The following SOS1 variants were observed in gnomAD, a reference collection of about 807,000 sequenced individuals.
SOS1 encodes the protein son of sevenless homolog 1.
In SOS1, 25 loss-of-function variants were observed where a neutral mutation model predicts 157.6. That is an observed-to-expected ratio of 0.16 (90% confidence interval 0.12 to 0.22). The LOEUF is 0.22. Ranked by LOEUF, SOS1 falls within the 10% of genes least tolerant of loss-of-function variation. The pLI, the probability that SOS1 is intolerant of heterozygous loss-of-function variation, is 1.00. For missense variants in SOS1, 1,237 were observed against 1,599.1 expected (o/e 0.77, Z 3.86); for synonymous variants, 528 against 534.0 (o/e 0.99, Z 0.16).
intron 1 of SOS1, among the ~76,000 whole-genome samples, chr2:39,073,679 GC>G (rs1208441117): frequency 2.0e-5 from 3 of 152,196 alleles, no homozygotes; most frequent in African/African-American, 7.2e-5. Context: ...GTCTGAAAAG[GC>G]AAAGGGATTT....
rs186106971 is a variant in SOS1, at chr2:38,996,896, C to T, written c.3081+26G>A. On this transcript the variant is annotated intron_variant, in intron 19 of 22. Coordinates refer to ENST00000402219, the MANE Select transcript of SOS1 (RefSeq NM_005633.4). The stretch of plus-strand genomic sequence containing the variant: ...ATAACACATATGGTAGTAATGACAT[C>T]ACCAGACAAATATACAAATGCTTAC... 4,258 of 1,133,492 alleles carry T rather than the reference C, an allele frequency of 3.8e-3. 11 individuals are homozygous for T. The highest frequency in any genetic ancestry group is 4.7e-3 in the Non-Finnish European group (3,498 of 741,348). The allele number at this position is 1,133,492 out of a possible 1,614,324, so 70.2% of individuals were successfully genotyped here.
rs1381050633 is a variant in SOS1, at chr2:39,054,199, T to C, written c.720+415A>G. Among the ~76,000 whole-genome samples, 3 of 152,252 alleles carry C rather than the reference T, an allele frequency of 2.0e-5. No individual in the cohort carries two copies. In the East Asian group the frequency reaches 5.8e-4, roughly 29 times the overall value. ...GCCTCGGCCTCCCAAAGTGCTGGGATTACAGGCGTGAGCCACCGTGCCCAG... is the reference window on the plus strand; with the variant it reads ...GCCTCGGCCTCCCAAAGTGCTGGGACTACAGGCGTGAGCCACCGTGCCCAG... On this transcript the variant is annotated intron_variant, in intron 5 of 22. Coordinates refer to ENST00000402219, the MANE Select transcript of SOS1 (RefSeq NM_005633.4).
intron 2 of SOS1, among the ~76,000 whole-genome samples, chr2:39,063,599 G>C (rs1671487717): frequency 6.6e-6 from 1 of 152,132 alleles, no homozygotes; most frequent in African/African-American, 2.4e-5. Flanking sequence ...TTTATAATTT[G>C]TGATAATCTG....
At chr2:39,090,136 T>C (rs896398585) in intron 1 of SOS1, among the ~76,000 whole-genome samples, 10 of 45,184 alleles carry the variant, frequency 2.2e-4, no homozygotes, top group African/African-American at 1.1e-3. Context: ...TGAGACCCTG[T>C]CTCAAAAAAA....
intron 17 of SOS1, among the ~76,000 whole-genome samples, chr2:39,002,728 T>C (rs1669145128): frequency 6.6e-6 from 1 of 152,120 alleles, no homozygotes; most frequent in Non-Finnish European, 1.5e-5. Flanking sequence ...TTAATATTTT[T>C]CCAGGAAGAG....
At position 39,022,933 on chromosome 2, in the gene SOS1, C is replaced by G; in HGVS notation, c.1495G>C (p.Val499Leu). The G allele has an allele frequency of 6.2e-7, 1 of 1,613,300 alleles. No homozygotes were observed. The highest frequency in any genetic ancestry group is 1.3e-5 in the African/African-American group (1 of 75,014). ...GTGTCATCTTTATCATTAATTTGTA[C>G]CTTTCGCATAAAAAACTTTTCTTTA... ...RLKEKFFMRK[V>L]QINDKDDTNE... Residue 499 changes from valine (V) to leucine (L), a missense_variant, in exon 10 of 23, where the codon GTA becomes CTA. Val to Leu is a conservative substitution (Grantham distance 32). Coordinates refer to ENST00000402219, the MANE Select transcript of SOS1 (RefSeq NM_005633.4).
rs904030250 is a variant in SOS1, at chr2:38,995,019, A to G, written c.3346+104T>C. 1.4e-5 allele frequency: 13 copies of G among 898,718 alleles called. No homozygotes were observed. In the Admixed American group the frequency reaches 2.5e-4, roughly 17 times the overall value. The allele number at this position is 898,718 out of a possible 1,614,324, so 55.7% of individuals were successfully genotyped here. On this transcript the variant is annotated intron_variant, in intron 20 of 22. Coordinates refer to ENST00000402219, the MANE Select transcript of SOS1 (RefSeq NM_005633.4). ...TATCTTTTGAAATGGCATTTGACTTAACTACAAGTTCACACATACAAAAAA... is the reference window on the plus strand; with the variant it reads ...TATCTTTTGAAATGGCATTTGACTTGACTACAAGTTCACACATACAAAAAA...
chr2:39,093,045 C>CA (rs150107422), intron 1 of SOS1, among the ~76,000 whole-genome samples: 135 of 152,230 alleles, frequency 8.9e-4, no homozygotes, highest in African/African-American at 3.2e-3. Flanking sequence ...ACAAAGATGT[C>CA]AAAAAATCAG....
At chr2:39,057,469 G>A (rs1424429008) in intron 3 of SOS1, among the ~76,000 whole-genome samples, 1 of 152,012 alleles carries the variant, frequency 6.6e-6, no homozygotes, top group Non-Finnish European at 1.5e-5. Context: ...TGTGGGACTG[G>A]TCTGTTCATA....
At chr2:39,018,315 G>C (rs1202901373) in intron 10 of SOS1, among the ~76,000 whole-genome samples, 6 of 151,726 alleles carry the variant, frequency 4.0e-5, no homozygotes, top group African/African-American at 1.5e-4. Flanking sequence ...TTTTTCTACA[G>C]TTTTTCCCCC....
At chr2:39,121,602 C>T (rs745644672), upstream of SOS1, among the ~76,000 whole-genome samples, 52 of 152,310 alleles carry the variant, frequency 3.4e-4, no homozygotes, top group Middle Eastern at 6.8e-3. Context: ...AAATGAACTC[C>T]AGTAAGCACT....
At chr2:39,031,244 G>C (rs1302625403) in intron 8 of SOS1, among the ~76,000 whole-genome samples, 1 of 152,156 alleles carries the variant, frequency 6.6e-6, no homozygotes, top group Non-Finnish European at 1.5e-5. Flanking sequence ...CTTTCCCCTA[G>C]GTTACAAGGA....
At chr2:39,078,128 G>A (rs1031174261) in intron 1 of SOS1, among the ~76,000 whole-genome samples, 7 of 152,118 alleles carry the variant, frequency 4.6e-5, no homozygotes, top group African/African-American at 1.4e-4. Flanking sequence ...ACATTTCATG[G>A]AAGGGGAAAC....
intron 17 of SOS1, among the ~76,000 whole-genome samples, chr2:39,001,677 A>G (rs531628659): frequency 6.6e-6 from 1 of 152,320 alleles, no homozygotes; most frequent in South Asian, 2.1e-4. Context: ...GGAATTCAGA[A>G]GCAGCAATAA....
upstream of SOS1, among the ~76,000 whole-genome samples, chr2:39,121,236 G>A (rs1383507449): frequency 3.3e-5 from 5 of 152,154 alleles, no homozygotes; most frequent in African/African-American, 1.2e-4. Flanking sequence ...TGGCAAAGTG[G>A]GGCCTGCAAG....
At chr2:39,020,964 T>A (rs1348528389) in intron 10 of SOS1, among the ~76,000 whole-genome samples, 1 of 151,182 alleles carries the variant, frequency 6.6e-6, no homozygotes, top group East Asian at 1.9e-4. Flanking sequence ...AGGAATTTTT[T>A]AAAAACATTT....
chr2:39,089,916 TA>T (rs1672521256), intron 1 of SOS1, among the ~76,000 whole-genome samples: 2 of 150,034 alleles, frequency 1.3e-5, no homozygotes, highest in African/African-American at 2.5e-5. Flanking sequence ...CATTTGAGGT[TA>T]GGAGTTCGAG....
intron 2 of SOS1, among the ~76,000 whole-genome samples, chr2:39,063,051 G>A (rs1345190668): frequency 1.3e-5 from 2 of 151,646 alleles, no homozygotes; most frequent in Non-Finnish European, 2.9e-5. Flanking sequence ...ACCAACTGCA[G>A]ATCAAAAATA....
At chr2:39,045,247 A>AGGGAGGGG (rs150513425) in intron 6 of SOS1, among the ~76,000 whole-genome samples, 500 of 129,388 alleles carry the variant, frequency 3.9e-3, no homozygotes, top group Non-Finnish European at 6.3e-3. Flanking sequence ...AGAGAGGGAG[A>AGGGAGGGG]GAGAGAGAGA....
Sources: allele counts gnomAD v4.1 joint callset (sites outside exome capture counted in the v4.1 genomes callset), GRCh38; gene constraint gnomAD v4.1.1; transcripts MANE v1.5; gene names NCBI Gene and HGNC (gene_info 2026-07-23, HGNC 2026-07-21).